RBMS3: variants seen among roughly 807,000 people sequenced by gnomAD.
RBMS3 encodes the protein RNA-binding motif, single-stranded-interacting protein 3.
RBMS3 carries 27 observed loss-of-function variants against 66.8 expected under a neutral mutation model. That is an observed-to-expected ratio of 0.40 (90% confidence interval 0.30 to 0.56). RBMS3 has a LOEUF of 0.56. Among genes scored for constraint, RBMS3 ranks in the 20% least tolerant of loss-of-function variants. RBMS3 has a pLI of 0.40. For synonymous variants in RBMS3, 188 were observed against 183.0 expected (o/e 1.03, Z -0.22); for missense variants, 513 against 549.5 (o/e 0.93, Z 0.66).
intron 2 of RBMS3, among the ~76,000 whole-genome samples, chr3:29,486,152 C>A (rs1306398235): frequency 6.6e-6 from 1 of 152,238 alleles, no homozygotes; most frequent in East Asian, 1.9e-4. Flanking sequence ...TATTTATCTA[C>A]ATCAGTTGTT....
chr3:29,943,998 A>G (rs764366179), intron 11 of RBMS3, among the ~76,000 whole-genome samples: 1 of 151,644 alleles, frequency 6.6e-6, no homozygotes, highest in Non-Finnish European at 1.5e-5. Flanking sequence ...AGCAAGTCTA[A>G]TGGGACCTAA....
In RBMS3 at chr3:29,409,047, T is replaced by C. The variant is rs181369315; in HGVS notation, c.76-25696T>C. Among the ~76,000 whole-genome samples the C allele has an allele frequency of 1.8e-3, 271 of 152,294 alleles. 1 individual carries two copies. Among genetic ancestry groups the C allele is most frequent in the African/African-American group, 6.0e-3 (249 of 41,566 alleles). ...CATCTAATTCAACTTGCTCGTAATA[T>C]AGATGAGAAAACAGCCTCTGTCAGT... is the stretch of plus-strand genomic sequence containing the variant. On this transcript the variant is annotated intron_variant, in intron 1 of 14. Transcript: ENST00000383767.
intron 6 of RBMS3, among the ~76,000 whole-genome samples, chr3:29,835,392 C>G (rs974985025): frequency 1.3e-5 from 2 of 151,868 alleles, no homozygotes; most frequent in Non-Finnish European, 2.9e-5. Flanking sequence ...ATCCACAAAA[C>G]AATTGTTAAG....
In RBMS3 at chr3:29,449,772, A is replaced by T. The variant is rs577238834; in HGVS notation, c.248+14857A>T. Among the ~76,000 whole-genome samples, 7 of 152,348 alleles carry T rather than the reference A, an allele frequency of 4.6e-5. No homozygotes were observed. The East Asian group carries it at 1.4e-3, about 29-fold the overall frequency. On this transcript the variant is annotated intron_variant, in intron 2 of 14. Transcript: ENST00000383767. ...GTTGAAAGTTAAATCGTATCCCAAC[A>T]TACTTCAAAAATAGGAGTTATGTTA...
At chr3:29,580,074 A>G (rs2047271123) in intron 3 of RBMS3, among the ~76,000 whole-genome samples, 1 of 152,178 alleles carries the variant, frequency 6.6e-6, no homozygotes, top group Non-Finnish European at 1.5e-5. Flanking sequence ...AAAGTGTTCC[A>G]TTTTCAAGTG....
intron 3 of RBMS3, among the ~76,000 whole-genome samples, chr3:29,525,699 T>A (rs1308770397): frequency 2.6e-5 from 4 of 152,170 alleles, no homozygotes; most frequent in Non-Finnish European, 5.9e-5. Context: ...AGTTCTTCAA[T>A]CTTCAATCTT....
intron 10 of RBMS3, 120 bp from the exon 11 acceptor site, chr3:29,935,966 T>A: frequency 1.2e-6 from 1 of 829,004 alleles, no homozygotes; most frequent in Non-Finnish European, 1.9e-6. Flanking sequence ...GAATTTAGCC[T>A]TTTTAGTAAA....
chr3:29,466,313 G>A (rs2042539715), intron 2 of RBMS3, among the ~76,000 whole-genome samples: 1 of 151,992 alleles, frequency 6.6e-6, no homozygotes, highest in Admixed American at 6.6e-5. Context: ...ATGAAAAGCA[G>A]GGTTCAGCCT....
intron 4 of RBMS3, among the ~76,000 whole-genome samples, chr3:29,673,431 A>C (rs1209326127): frequency 1.3e-5 from 2 of 151,940 alleles, no homozygotes; most frequent in Non-Finnish European, 2.9e-5. Flanking sequence ...GACACAAAAA[A>C]CCCTTCAAAA....
intron 6 of RBMS3, among the ~76,000 whole-genome samples, chr3:29,809,701 G>A (rs903493516): frequency 1.3e-5 from 2 of 151,790 alleles, no homozygotes; most frequent in African/African-American, 2.4e-5. Context: ...TTAGGAATTA[G>A]GAGAAAGTAC....
At chr3:29,682,675 G>A (rs2149262255) in intron 4 of RBMS3, among the ~76,000 whole-genome samples, 1 of 152,284 alleles carries the variant, frequency 6.6e-6, no homozygotes, top group African/African-American at 2.4e-5. Flanking sequence ...AACTGAAAGG[G>A]CCAGAAGGGC....
intron 3 of RBMS3, among the ~76,000 whole-genome samples, chr3:29,500,437 A>C (rs943128719): frequency 2.0e-5 from 3 of 148,924 alleles, no homozygotes; most frequent in Non-Finnish European, 4.5e-5. Context: ...ATATAATTTT[A>C]TTATATATAC....
At chr3:29,973,211 C>A (rs973449276) in intron 12 of RBMS3, among the ~76,000 whole-genome samples, 3 of 151,714 alleles carry the variant, frequency 2.0e-5, no homozygotes, top group African/African-American at 7.3e-5. Flanking sequence ...ACTAATATGG[C>A]AAAAAGAAAA....
rs550629598 is a variant in RBMS3 at position 29,750,529 on chromosome 3, A to G, written c.557+10652A>G. ...TTGGAATACATGTTAATACATGTAT[A>G]CTAATATAACTCAAACCTATTTTTC... On this transcript the variant is annotated intron_variant, in intron 5 of 14. Coordinates refer to ENST00000383767, the MANE Select transcript of RBMS3 (RefSeq NM_001003793.3). Among the ~76,000 whole-genome samples the G allele has an allele frequency of 7.2e-5, 11 of 152,338 alleles. No individual in the cohort carries two copies. In the South Asian group the frequency reaches 2.1e-3, roughly 29 times the overall value.
intron 1 of RBMS3, among the ~76,000 whole-genome samples, chr3:29,291,451 G>A (rs1326415576): frequency 6.6e-6 from 1 of 151,856 alleles, no homozygotes; most frequent in Non-Finnish European, 1.5e-5. Context: ...GGCACTGAGA[G>A]CAACTGGGAG....
chr3:29,292,857 T>C (rs2032934069), intron 1 of RBMS3, among the ~76,000 whole-genome samples: 1 of 151,814 alleles, frequency 6.6e-6, no homozygotes, highest in Non-Finnish European at 1.5e-5. Flanking sequence ...AGGCAATAGA[T>C]AAGAGCTGTT....
Position 30,005,020 on chromosome 3 carries a change from T to C in RBMS3, c.*1158T>C, listed in dbSNP as rs994922439. On this transcript the variant is annotated 3_prime_UTR_variant, in exon 15 of 15. Transcript: ENST00000383767. ...CCTAGTTGTGATCAAATTCAGCCTATGGATGGCCTATTTTATACCAAAGAT... is the reference window on the plus strand; with the variant it reads ...CCTAGTTGTGATCAAATTCAGCCTACGGATGGCCTATTTTATACCAAAGAT... 78 of 151,918 alleles carry C rather than the reference T, an allele frequency of 5.1e-4. 1 individual carries two copies. The highest frequency in any genetic ancestry group is 2.5e-4 in the Non-Finnish European group (17 of 67,682). The allele number at this position is 151,918 out of a possible 1,614,324, so 9.4% of individuals were successfully genotyped here. A position where few individuals can be genotyped will look rare whatever the true frequency, so the allele number is the denominator to read the frequency against.
At chr3:29,665,336 A>AT (rs2050709638) in intron 4 of RBMS3, among the ~76,000 whole-genome samples, 2 of 152,140 alleles carry the variant, frequency 1.3e-5, no homozygotes, top group Admixed American at 1.3e-4. Context: ...TAATTTTGTC[A>AT]TTTTTTTCTT....
intron 4 of RBMS3, among the ~76,000 whole-genome samples, chr3:29,593,574 G>A (rs999165596): frequency 3.3e-5 from 5 of 152,188 alleles, no homozygotes; most frequent in African/African-American, 9.6e-5. Context: ...GGATGCTAAT[G>A]TTCCTAGAAT....
Sources: allele counts gnomAD v4.1 joint callset (sites outside exome capture counted in the v4.1 genomes callset), GRCh38; gene constraint gnomAD v4.1.1; transcripts MANE v1.5; gene names NCBI Gene and HGNC (gene_info 2026-07-23, HGNC 2026-07-21).